CNN1: variants seen among roughly 807,000 people sequenced by gnomAD.
The protein encoded by CNN1 is calponin 1.
In CNN1, 21 loss-of-function variants were observed where a neutral mutation model predicts 35.3. The ratio of observed to expected loss-of-function variants is 0.60; its 90% CI spans 0.42 to 0.86. The LOEUF is 0.86. Ranked by LOEUF, CNN1 falls within the 40% of genes least tolerant of loss-of-function variation. The pLI is 0.00. For missense variants in CNN1, 314 were observed against 400.8 expected (o/e 0.78, Z 1.85); for synonymous variants, 164 against 161.8 (o/e 1.01, Z -0.10).
intron 2 of CNN1, among the ~76,000 whole-genome samples, chr19:11,544,756 G>T (rs1386914734): frequency 6.6e-6 from 1 of 150,546 alleles, no homozygotes; most frequent in Non-Finnish European, 1.5e-5. Flanking sequence ...TCCTGTCTCG[G>T]CTTCCCAAAG....
chr19:11,539,344 G>A, intron 1 of CNN1: 1 of 1,083,770 alleles, frequency 9.2e-7, no homozygotes, highest in Non-Finnish European at 1.1e-6. Flanking sequence ...CAAAGAAATT[G>A]GGGAGCGCTT....
At chr19:11,547,749 C>G (rs760892581) in intron 4 of CNN1, 48 bp from the exon 5 acceptor site, 5 of 1,486,092 alleles carry the variant, frequency 3.4e-6, no homozygotes, top group Non-Finnish European at 4.7e-6. Context: ...GGGGACTGTG[C>G]AGCCTGGAGG....
chr19:11,542,372 T>C (rs1972485594), intron 2 of CNN1: 1 of 150,426 alleles, frequency 6.6e-6, no homozygotes, highest in African/African-American at 2.5e-5. Context: ...TTTGTATTTT[T>C]AGTAGAGACG....
At chr19:11,539,943 C>G (rs1568412676) in intron 1 of CNN1, 2 of 1,112,276 alleles carry the variant, frequency 1.8e-6, no homozygotes, top group Middle Eastern at 4.3e-4. Context: ...CCTCGGGGAG[C>G]CCGGGCCACG....
chr19:11,541,353 C>G (rs1418050056), intron 2 of CNN1, among the ~76,000 whole-genome samples, 156 bp downstream of exon 2: 2 of 152,178 alleles, frequency 1.3e-5, no homozygotes, highest in African/African-American at 4.8e-5. Flanking sequence ...TTAACAGGCA[C>G]AGAAAACTGA....
At chr19:11,540,508 A>T (rs1243571491) in intron 1 of CNN1, 1 of 152,480 alleles carries the variant, frequency 6.6e-6, no homozygotes, top group Non-Finnish European at 1.5e-5. Context: ...AGGGAGAGAG[A>T]CATACAGACG....
chr19:11,549,885 G>C lies in CNN1; in HGVS notation c.*90G>C, dbSNP rs1320429763. ...CAGGCCCAGCCGACCCCCTCTCCCT[G>C]CATGGCATCCTCCAGCCCCTGTAGA... On this transcript the variant is annotated 3_prime_UTR_variant, in exon 7 of 7. Coordinates refer to ENST00000252456, the MANE Select transcript of CNN1 (RefSeq NM_001299.6). This position sits in a 1 kb window ranked among gnomAD's most constrained non-coding sequence, Gnocchi z 5.2. 1.3e-6 allele frequency: 2 copies of C among 1,507,662 alleles called. No individual in the cohort carries two copies. The highest frequency in any genetic ancestry group is 2.8e-5 in the African/African-American group (2 of 71,906). The allele number at this position is 1,507,662 out of a possible 1,614,324, so 93.4% of individuals were successfully genotyped here. A position where few individuals can be genotyped will look rare whatever the true frequency, so the allele number is the denominator to read the frequency against.
intron 5 of CNN1, among the ~76,000 whole-genome samples, chr19:11,548,525 G>A (rs560139011): frequency 1.3e-5 from 2 of 152,196 alleles, no homozygotes; most frequent in Non-Finnish European, 2.9e-5. Flanking sequence ...CTGGGCGACA[G>A]AGTGAGACCC....
Position 11,546,064 on chromosome 19 carries a change from A to C in CNN1, c.186-611A>C, listed in dbSNP as rs371869629. On this transcript the variant is annotated intron_variant, in intron 2 of 6. Coordinates refer to ENST00000252456, the MANE Select transcript of CNN1 (RefSeq NM_001299.6). ...TTGTGGGCTTCCTGCTGTCTACAAGAGAAAAGGATGCTGAGACACGCCTGC... is the reference window on the plus strand; with the variant it reads ...TTGTGGGCTTCCTGCTGTCTACAAGCGAAAAGGATGCTGAGACACGCCTGC... 1.2e-3 allele frequency among the ~76,000 whole-genome samples: 179 copies of C among 152,256 alleles called. 5 individuals carry two copies. The South Asian group carries it at 0.034, about 29-fold the overall frequency.
Position 11,546,940 on chromosome 19 carries a change from C to CA in CNN1, c.362dup (p.Ser122ValfsTer162). On this transcript the variant is annotated frameshift_variant, in exon 4 of 7. Transcript: ENST00000252456. LOFTEE classifies it high-confidence loss of function. ...TGAGAACACCAACCATACACAGGTG[C>CA]AGTCCACCCTCCTGGCTTTGGCCAG... is the stretch of plus-strand genomic sequence containing the variant. 1 of 1,614,230 alleles carries CA rather than the reference C, an allele frequency of 6.2e-7. No homozygotes were observed. The highest frequency in any genetic ancestry group is 8.5e-7 in the Non-Finnish European group (1 of 1,180,054).
intron 2 of CNN1, among the ~76,000 whole-genome samples, chr19:11,542,853 C>T (rs906289167): frequency 3.3e-5 from 5 of 152,260 alleles, no homozygotes; most frequent in South Asian, 2.1e-4. Flanking sequence ...GGATTATAGG[C>T]GTGAGCCACC....
At chr19:11,540,109 G>A (rs1972427066) in intron 1 of CNN1, 6 of 994,876 alleles carry the variant, frequency 6.0e-6, no homozygotes, top group Non-Finnish European at 7.3e-6. Flanking sequence ...GCCTGGCTGG[G>A]CTTGGGCGGA....
chr19:11,547,803 A>C lies in CNN1; in HGVS notation c.397A>C (p.Thr133Pro), dbSNP rs1198378666. ...TLLALASMAK[T>P]KGNKVNVGVK... ...CTTTCCCTGCCCCACCTAGGCGAAG[A>C]CGAAAGGAAACAAGGTGAACGTGGG... The change falls in exon 5 of 7, where the codon ACG becomes CCG. Residue 133 changes from threonine (T) to proline (P), a missense_variant. By Grantham distance (38) the Thr-to-Pro change is conservative (BLOSUM62 -1). Coordinates refer to ENST00000252456, the MANE Select transcript of CNN1 (RefSeq NM_001299.6). 6.8e-6 allele frequency: 11 copies of C among 1,613,582 alleles called. No homozygotes were observed. The Admixed American group carries it at 1.7e-4, about 24-fold the overall frequency.
chr19:11,546,378 G>A (rs533339780), intron 2 of CNN1, among the ~76,000 whole-genome samples: 7 of 142,576 alleles, frequency 4.9e-5, no homozygotes, highest in Admixed American at 2.9e-4. Context: ...GTCTCGCTCT[G>A]TCCCCAAGCT....
chr19:11,540,918 C>T (rs1257190925), intron 1 of CNN1, among the ~76,000 whole-genome samples, 158 bp from the exon 2 acceptor site: 1 of 152,226 alleles, frequency 6.6e-6, no homozygotes, highest in African/African-American at 2.4e-5. Flanking sequence ...CGCCCCAGCC[C>T]CCATCCCCCA....
Position 11,538,920 on chromosome 19 carries a change from C to T in CNN1, c.-8C>T, listed in dbSNP as rs1337937094. On this transcript the variant is annotated 5_prime_UTR_variant, in exon 1 of 7. Transcript: ENST00000252456. ...CGCCACTGCCCCCGCCAGAGCCCAC[C>T]GGCCAGCATGTCCTCTGCTCACTTC... The T allele has an allele frequency of 1.9e-6, 3 of 1,559,378 alleles. No individual in the cohort carries two copies. The highest frequency in any genetic ancestry group is 1.2e-5 in the South Asian group (1 of 84,662).
intron 4 of CNN1, 73 bp from the exon 5 acceptor site, chr19:11,547,724 A>T (rs767105188): frequency 7.9e-7 from 1 of 1,270,154 alleles, no homozygotes; most frequent in Non-Finnish European, 1.1e-6. Context: ...ACAACAACAA[A>T]AAAACAGTGT....
rs889642307 is a variant in CNN1, at chr19:11,547,854, C to A, written c.448C>A (p.Arg150=). The change falls in exon 5 of 7, where the codon CGG becomes AGG. Residue 150 remains arginine (R), a synonymous_variant. Coordinates refer to ENST00000252456, the MANE Select transcript of CNN1 (RefSeq NM_001299.6). ...VGVKYAEKQE[R]KFEPGKLREG... is the part of the protein sequence containing the mutation. ...AGTGAAGTACGCAGAGAAGCAGGAGCGGAAATTCGAGCCGGGGAAGCTAAG... is the reference window on the plus strand; with the variant it reads ...AGTGAAGTACGCAGAGAAGCAGGAGAGGAAATTCGAGCCGGGGAAGCTAAG... 5 of 1,613,976 alleles carry A rather than the reference C, an allele frequency of 3.1e-6. No homozygotes were observed. Among genetic ancestry groups the A allele is most frequent in the Non-Finnish European group, 2.5e-6 (3 of 1,179,932 alleles).
rs1278502487 is a variant in CNN1, at chr19:11,540,167, A to C, written c.64-909A>C. On this transcript the variant is annotated intron_variant, in intron 1 of 6. Transcript: ENST00000252456. ...GAGTGGGGGAGGGGGGGGACAGTGGAGAGAGGGAAAAGCAGGGAGGTGGGG... is the reference window on the plus strand; with the variant it reads ...GAGTGGGGGAGGGGGGGGACAGTGGCGAGAGGGAAAAGCAGGGAGGTGGGG... 7 of 593,710 alleles carry C rather than the reference A, an allele frequency of 1.2e-5. No individual in the cohort carries two copies. The East Asian group carries it at 8.6e-4, about 73-fold the overall frequency. The allele number at this position is 593,710 out of a possible 1,614,324, so 36.8% of individuals were successfully genotyped here. A position where few individuals can be genotyped will look rare whatever the true frequency, so the allele number is the denominator to read the frequency against.
Sources: gnomAD v4.1 joint callset for allele counts (sites outside exome capture counted in the v4.1 genomes callset) on GRCh38, gnomAD v4.1.1 for gene constraint, Gnocchi (gnomAD v3.1) non-coding constraint, MANE v1.5 for transcripts, NCBI Gene and HGNC (gene_info 2026-07-23, HGNC 2026-07-21) for gene names.